The following ADSS1 variants were observed in gnomAD, a reference collection of about 807,000 sequenced individuals.
ADSS1 encodes adenylosuccinate synthase 1, also known as adenylosuccinate synthetase isozyme 1.
A neutral mutation model predicts 59.1 loss-of-function variants in ADSS1; 57 were observed. That is an observed-to-expected ratio of 0.97 (90% CI 0.78 to 1.20). ADSS1 has a LOEUF of 1.20. ADSS1 is among the 50% of genes most tolerant of loss of function. ADSS1 has a pLI of 0.00. For synonymous variants in ADSS1, 247 were observed against 249.4 expected (o/e 0.99, Z 0.09); for missense variants, 603 against 610.3 (o/e 0.99, Z 0.13).
At chr14:104,746,411 C>A in intron 12 of ADSS1, 26 bp downstream of exon 12, 2 of 1,595,356 alleles carry the variant, frequency 1.3e-6, no homozygotes, top group Non-Finnish European at 1.7e-6. Flanking sequence ...CCCCAGCCAC[C>A]CTCCCTGCAC....
Position 104,741,383 on chromosome 14 carries a change from A to C in ADSS1, c.793+140A>C, listed in dbSNP as rs1891349919. 20 of 1,165,612 alleles carry C rather than the reference A, an allele frequency of 1.7e-5. No individual in the cohort carries two copies. In the South Asian group the frequency reaches 3.1e-4, roughly 18 times the overall value. 72.2% of individuals were successfully genotyped at this position (1,165,612 alleles called of 1,614,324 possible). A position where few individuals can be genotyped will look rare whatever the true frequency, so the allele number is the denominator to read the frequency against. On this transcript the variant is annotated intron_variant, in intron 8 of 12. Coordinates refer to ENST00000330877, the MANE Select transcript of ADSS1 (RefSeq NM_152328.5). ...CCACAGTGCCATCCATGCCCGCGGAAATGATCCTCGTGTCCTTAGTGTTCC... is the reference window on the plus strand; with the variant it reads ...CCACAGTGCCATCCATGCCCGCGGACATGATCCTCGTGTCCTTAGTGTTCC...
Position 104,747,304 on chromosome 14 carries a change from C to T in ADSS1, c.*301C>T. 4.0e-6 allele frequency: 1 copy of T among 251,486 alleles called. No individual in the cohort carries two copies. The highest frequency in any genetic ancestry group is 7.6e-5 in the East Asian group (1 of 13,190). The allele number at this position is 251,486 out of a possible 1,614,324, so 15.6% of individuals were successfully genotyped here. A position where few individuals can be genotyped will look rare whatever the true frequency, so the allele number is the denominator to read the frequency against. ...CAGTGTAATAAACATCTCCAATGGC[C>T]ACTGAATGGGAGCAGTTGTTACATG... On this transcript the variant is annotated 3_prime_UTR_variant, in exon 13 of 13. Transcript: ENST00000330877.
At chr14:104,728,573 C>T (rs932160946) in intron 1 of ADSS1, among the ~76,000 whole-genome samples, 1 of 152,184 alleles carries the variant, frequency 6.6e-6, no homozygotes, top group South Asian at 2.1e-4. Context: ...ACCCACTGCA[C>T]CACACTGGTA....
intron 1 of ADSS1, among the ~76,000 whole-genome samples, chr14:104,725,027 G>T (rs1279377096): frequency 2.6e-5 from 4 of 152,192 alleles, no homozygotes; most frequent in Non-Finnish European, 4.4e-5. Context: ...GTCCTGGGGG[G>T]CAATTGGGGC....
At chr14:104,733,304 G>A (rs779681288) in intron 1 of ADSS1, among the ~76,000 whole-genome samples, 1 of 152,210 alleles carries the variant, frequency 6.6e-6, no homozygotes, top group Non-Finnish European at 1.5e-5. Flanking sequence ...TCAGGGCGTG[G>A]AGGTGGGGAC....
At chr14:104,738,812 C>T (rs1891221950) in intron 3 of ADSS1, among the ~76,000 whole-genome samples, 1 of 152,206 alleles carries the variant, frequency 6.6e-6, no homozygotes, top group Admixed American at 6.5e-5. Context: ...AGAGGCCAGA[C>T]CCACCAGCTG....
intron 1 of ADSS1, among the ~76,000 whole-genome samples, chr14:104,733,911 CT>C (rs1891022284): frequency 6.6e-6 from 1 of 152,182 alleles, no homozygotes; most frequent in Non-Finnish European, 1.5e-5. Context: ...CATCCAGTGG[CT>C]GGCCAGAAGT....
intron 2 of ADSS1, 113 bp downstream of exon 2, chr14:104,735,235 G>A (rs1053129877): frequency 8.0e-6 from 8 of 995,672 alleles, no homozygotes; most frequent in South Asian, 1.6e-5. Context: ...TGCTCTAGCA[G>A]TAGGCTGGAC....
chr14:104,741,552 C>G lies in ADSS1; in HGVS notation c.794-296C>G, dbSNP rs545296032. Among the ~76,000 whole-genome samples the G allele has an allele frequency of 2.0e-5, 3 of 152,270 alleles. No individual in the cohort carries two copies. The South Asian group carries it at 6.2e-4, about 32-fold the overall frequency. ...ATGGTCTGTACAGCCATATCCCGTC[C>G]TCACCCCCACGGGCGCACCAGCTTA... On this transcript the variant is annotated intron_variant, in intron 8 of 12. Transcript: ENST00000330877.
In ADSS1 at chr14:104,724,706, G is replaced by A. The variant is rs555493341; in HGVS notation, c.192+244G>A. Among the ~76,000 whole-genome samples, 367 of 152,186 alleles carry A rather than the reference G, an allele frequency of 2.4e-3. 2 individuals carry two copies. Among genetic ancestry groups the A allele is most frequent in the Non-Finnish European group, 1.7e-3 (117 of 67,994 alleles). ...ACTCCACCACCCCGGCAGCGGGCCA[G>A]GGCACAGCTATAAATACAAGTCGCT... On this transcript the variant is annotated intron_variant, in intron 1 of 12. Transcript: ENST00000330877.
intron 9 of ADSS1, among the ~76,000 whole-genome samples, chr14:104,742,694 AC>A (rs530771177): frequency 3.6e-4 from 55 of 152,082 alleles, no homozygotes; most frequent in African/African-American, 1.2e-3. Context: ...AGATACACAC[AC>A]CCCTGACCCC....
rs533305322 is a variant in ADSS1 at position 104,735,812 on chromosome 14, G to A, written c.295+690G>A. 1.9e-3 allele frequency among the ~76,000 whole-genome samples: 293 copies of A among 152,316 alleles called. 2 individuals are homozygous for A. The highest frequency in any genetic ancestry group is 5.9e-4 in the Non-Finnish European group (40 of 68,016). The stretch of plus-strand genomic sequence containing the variant: ...CCCTCCTTCTCTCGGTCAGAAGCCT[G>A]CTCTGTGCACCCTGGCCTCAGCTCT... On this transcript the variant is annotated intron_variant, in intron 2 of 12. Transcript: ENST00000330877.
chr14:104,739,278 C>T, intron 3 of ADSS1, 50 bp from the exon 4 acceptor site: 1 of 1,576,696 alleles, frequency 6.3e-7, no homozygotes, highest in South Asian at 1.2e-5. Flanking sequence ...CACGTGTGAG[C>T]TGCAGCGCAC....
intron 9 of ADSS1, 128 bp from the exon 10 acceptor site, chr14:104,742,939 C>T (rs921663464): frequency 3.0e-5 from 41 of 1,367,602 alleles, no homozygotes; most frequent in Non-Finnish European, 4.0e-5. Context: ...GATGTAAGGA[C>T]TGTCGGTGGA....
intron 3 of ADSS1, 140 bp downstream of exon 3, chr14:104,738,578 C>A: frequency 2.2e-6 from 2 of 924,212 alleles, no homozygotes; most frequent in Non-Finnish European, 3.3e-6. Context: ...CAGCTCATCA[C>A]CCGCCGGCTC....
intron 10 of ADSS1, chr14:104,744,567 A>C: frequency 1.9e-6 from 1 of 530,532 alleles, no homozygotes; most frequent in Non-Finnish European, 3.4e-6. Context: ...AGTTCACAAT[A>C]GGGTTCAGGC....
rs776145696 is a variant in ADSS1 at position 104,724,480 on chromosome 14, G to A, written c.192+18G>A. 14 of 1,237,560 alleles carry A rather than the reference G, an allele frequency of 1.1e-5. No individual in the cohort carries two copies. The African/African-American group carries it at 2.0e-4, about 18-fold the overall frequency. The allele number at this position is 1,237,560 out of a possible 1,614,324, so 76.7% of individuals were successfully genotyped here. ...GCTGCCAGGTGCGGGCTGGGGCGCCGGGTCCCTCCCCCACCGCCCAGCGAG... is the reference window on the plus strand; with the variant it reads ...GCTGCCAGGTGCGGGCTGGGGCGCCAGGTCCCTCCCCCACCGCCCAGCGAG... On this transcript the variant is annotated intron_variant, in intron 1 of 12. Coordinates refer to ENST00000330877, the MANE Select transcript of ADSS1 (RefSeq NM_152328.5).
chr14:104,742,300 C>A (rs2140819211), intron 9 of ADSS1, among the ~76,000 whole-genome samples: 1 of 152,376 alleles, frequency 6.6e-6, no homozygotes, highest in Admixed American at 6.5e-5. Context: ...AGTGCGGACG[C>A]CTTGCAGTTC....
intron 11 of ADSS1, chr14:104,745,315 A>G: frequency 6.1e-6 from 1 of 163,758 alleles, no homozygotes; most frequent in South Asian, 1.7e-4. Flanking sequence ...TGACTATTTC[A>G]TCTGAGAAAA....
Sources: allele counts gnomAD v4.1 joint callset (sites outside exome capture counted in the v4.1 genomes callset), GRCh38; gene constraint gnomAD v4.1.1; transcripts MANE v1.5; gene names NCBI Gene and HGNC (gene_info 2026-07-23, HGNC 2026-07-21).